Variants in PCDHA7 observed in about 807,000 individuals in gnomAD.
The protein encoded by PCDHA7 is protocadherin alpha-7.
Under a neutral mutation model 57.2 loss-of-function variants are expected in PCDHA7, and 37 were observed. That is an observed-to-expected ratio of 0.65 (90% CI 0.50 to 0.85). PCDHA7 has a LOEUF of 0.85. PCDHA7 is among the 40% of genes least tolerant of loss of function. The pLI, the probability that PCDHA7 is intolerant of heterozygous loss-of-function variation, is 0.00. For synonymous variants in PCDHA7, 553 were observed against 558.8 expected, an observed-to-expected ratio of 0.99 and a Z score of 0.15; for missense variants, 1,188 against 1,241.8, an observed-to-expected ratio of 0.96 and a Z score of 0.65.
rs782295059 is a variant in PCDHA7 at position 140,883,240 on chromosome 5, C to A, written c.2355+46502C>A. The A allele has an allele frequency of 3.7e-6, 6 of 1,613,998 alleles. No homozygotes were observed. The Admixed American group carries it at 1.0e-4, about 27-fold the overall frequency. ...ATGAAATATCCGTGGAGGCAGTTGA[C>A]AAAGGAAATATTCCAATGGCGGGTC... On this transcript the variant is annotated intron_variant, in intron 1 of 3. Coordinates refer to ENST00000525929, the MANE Select transcript of PCDHA7 (RefSeq NM_018910.3).
chr5:140,845,660 T>C (rs1779973975), intron 1 of PCDHA7, among the ~76,000 whole-genome samples: 1 of 149,710 alleles, frequency 6.7e-6, no homozygotes, highest in African/African-American at 2.4e-5. Context: ...AATTTTTGTA[T>C]GTGTAGCCAT....
At chr5:140,849,791 G>C (rs1482087320) in intron 1 of PCDHA7, 8 of 1,598,446 alleles carry the variant, frequency 5.0e-6, no homozygotes, top group Non-Finnish European at 6.8e-6. Context: ...ACGGGGGCTC[G>C]CCTTCACTGT....
intron 1 of PCDHA7, among the ~76,000 whole-genome samples, chr5:140,952,977 C>G (rs148504111): frequency 6.6e-6 from 1 of 152,064 alleles, no homozygotes; most frequent in East Asian, 1.9e-4. Flanking sequence ...TTTTAAACAA[C>G]AAGATCTCAT....
intron 1 of PCDHA7, among the ~76,000 whole-genome samples, chr5:140,898,901 T>C (rs1196685970): frequency 7.9e-5 from 12 of 152,172 alleles, no homozygotes; most frequent in Admixed American, 7.9e-4. Context: ...GAAGAGGTCC[T>C]TCACGTCCCT....
At chr5:140,887,494 CT>C (rs1439502451) in intron 1 of PCDHA7, among the ~76,000 whole-genome samples, 1 of 152,128 alleles carries the variant, frequency 6.6e-6, no homozygotes, top group Non-Finnish European at 1.5e-5. Flanking sequence ...TGCATAGTTT[CT>C]AATAAGATGT....
At chr5:140,850,015 A>G (rs2041294167) in intron 1 of PCDHA7, 1 of 1,596,724 alleles carries the variant, frequency 6.3e-7, no homozygotes, top group Non-Finnish European at 8.6e-7. Flanking sequence ...CTGTCGAGCT[A>G]CGTGTCAGTG....
chr5:140,843,735 G>T (rs1554140393), intron 1 of PCDHA7: 1 of 1,548,324 alleles, frequency 6.5e-7, no homozygotes, highest in African/African-American at 1.4e-5. Context: ...TTTAAATTTA[G>T]AACTCATAAA....
chr5:141,003,254 G>A (rs782245010), intron 3 of PCDHA7, among the ~76,000 whole-genome samples: 17 of 152,190 alleles, frequency 1.1e-4, no homozygotes, highest in Non-Finnish European at 2.1e-4. Flanking sequence ...AAGATTCCTG[G>A]GCAGTGCCTA....
At position 140,838,077 on chromosome 5, in the gene PCDHA7, A is replaced by AGTGTGT. The variant is rs57130401; in HGVS notation, c.2355+1388_2355+1393dup. Among the ~76,000 whole-genome samples the AGTGTGT allele has an allele frequency of 1.0e-3, 82 of 80,686 alleles. 1 individual carries two copies. Among genetic ancestry groups the AGTGTGT allele is most frequent in the East Asian group, 2.6e-3 (8 of 3,058 alleles). The allele number at this position is 80,686 out of a possible 152,430, so 52.9% of individuals were successfully genotyped here. A position where few individuals can be genotyped will look rare whatever the true frequency, so the allele number is the denominator to read the frequency against. On this transcript the variant is annotated intron_variant, in intron 1 of 3. Coordinates refer to ENST00000525929, the MANE Select transcript of PCDHA7 (RefSeq NM_018910.3). ...TTTCCACTTTAAGTTATATATATATAGTGTGTGTGTGTGTGTGTGTGTGTG... is the reference window on the plus strand; with the variant it reads ...TTTCCACTTTAAGTTATATATATATAGTGTGTGTGTGTGTGTGTGTGTGTGTGTGTG...
At chr5:140,926,707 C>A in intron 1 of PCDHA7, 5 of 886,092 alleles carry the variant, frequency 5.6e-6, no homozygotes, top group Non-Finnish European at 7.9e-6. Context: ...TCCCAGCTGG[C>A]CAGCCCCGGC....
chr5:140,882,958 C>T (rs1582656438), intron 1 of PCDHA7: 1 of 1,614,040 alleles, frequency 6.2e-7, no homozygotes, highest in Non-Finnish European at 8.5e-7. Flanking sequence ...AGCTGCTCAT[C>T]ACGATTCTGG....
intron 1 of PCDHA7, among the ~76,000 whole-genome samples, chr5:140,900,607 C>T (rs1340239730): frequency 6.6e-6 from 1 of 152,170 alleles, no homozygotes; most frequent in Non-Finnish European, 1.5e-5. Context: ...TGATGATGGA[C>T]ATGTAGATTG....
intron 1 of PCDHA7, among the ~76,000 whole-genome samples, chr5:140,840,696 C>T (rs2150308917): frequency 6.6e-6 from 1 of 152,100 alleles, no homozygotes; most frequent in Admixed American, 6.5e-5. Flanking sequence ...TAAAACGGTT[C>T]AGGCAATTTG....
At chr5:140,959,343 C>T (rs1370310453) in intron 1 of PCDHA7, among the ~76,000 whole-genome samples, 1 of 152,052 alleles carries the variant, frequency 6.6e-6, no homozygotes, top group Admixed American at 6.6e-5. Context: ...CTACTGCACT[C>T]CAGCGGGACA....
chr5:140,946,631 T>TATATACACAC (rs57893927), intron 1 of PCDHA7, among the ~76,000 whole-genome samples: 7 of 131,846 alleles, frequency 5.3e-5, no homozygotes, highest in Non-Finnish European at 1.1e-4. Context: ...TATATATATA[T>TATATACACAC]ACAATGGAAT....
chr5:140,952,416 G>T (rs114343205), intron 1 of PCDHA7, among the ~76,000 whole-genome samples: 1 of 151,730 alleles, frequency 6.6e-6, no homozygotes, highest in Non-Finnish European at 1.5e-5. Context: ...TTAATGTTCC[G>T]CAGATTCCTA....
chr5:140,841,966 A>G, intron 1 of PCDHA7: 1 of 1,613,924 alleles, frequency 6.2e-7, no homozygotes, highest in Non-Finnish European at 8.5e-7. Context: ...TGACAGCCAC[A>G]GATGGGGGCA....
At chr5:140,921,744 A>T (rs1554200416) in intron 1 of PCDHA7, among the ~76,000 whole-genome samples, 1 of 152,158 alleles carries the variant, frequency 6.6e-6, no homozygotes. Context: ...TATAAGCATA[A>T]CAGGACACTT....
intron 1 of PCDHA7, chr5:140,871,653 C>T: frequency 1.6e-6 from 2 of 1,244,250 alleles, no homozygotes; most frequent in Non-Finnish European, 2.2e-6. Flanking sequence ...CCAAATGATA[C>T]ACATCTTCAG....
Sources: gnomAD v4.1 joint callset for allele counts (sites outside exome capture counted in the v4.1 genomes callset) on GRCh38, gnomAD v4.1.1 for gene constraint, MANE v1.5 for transcripts, NCBI Gene and HGNC (gene_info 2026-07-23, HGNC 2026-07-21) for gene names.